Variants in IGSF11 observed in about 807,000 individuals in gnomAD.
The protein encoded by IGSF11 is immunoglobulin superfamily member 11, also known as CXADR like 1.
A neutral mutation model predicts 41.0 loss-of-function variants in IGSF11; 22 were observed. The ratio of observed to expected loss-of-function variants is 0.54; its 90% CI spans 0.38 to 0.77. IGSF11 has a LOEUF of 0.77. Among genes scored for constraint, IGSF11 ranks in the 30% least tolerant of loss-of-function variants. IGSF11 has a pLI of 0.00. For synonymous variants in IGSF11, 219 were observed against 201.3 expected, an observed-to-expected ratio of 1.09 and a Z score of -0.74; for missense variants, 444 against 530.8, an observed-to-expected ratio of 0.84 and a Z score of 1.61.
At chr3:119,134,317 C>G (rs1282031676) in intron 1 of IGSF11, among the ~76,000 whole-genome samples, 1 of 152,172 alleles carries the variant, frequency 6.6e-6, no homozygotes, top group African/African-American at 2.4e-5. Context: ...TAGAAAACCC[C>G]ATCGTCTCAG....
intron 4 of IGSF11, among the ~76,000 whole-genome samples, chr3:118,913,744 T>C (rs1240196910): frequency 1.3e-5 from 2 of 152,080 alleles, no homozygotes; most frequent in African/African-American, 2.4e-5. Flanking sequence ...AACTTGTGGG[T>C]AAATCTAAAT....
intron 1 of IGSF11, among the ~76,000 whole-genome samples, chr3:119,075,928 A>G (rs1321152489): frequency 6.6e-6 from 1 of 152,180 alleles, no homozygotes; most frequent in South Asian, 2.1e-4. Flanking sequence ...TTCATATGGA[A>G]CCTAAAAAGA....
At chr3:119,102,497 C>T (rs1199105104) in intron 1 of IGSF11, among the ~76,000 whole-genome samples, 3 of 152,174 alleles carry the variant, frequency 2.0e-5, no homozygotes, top group Non-Finnish European at 4.4e-5. Flanking sequence ...TTGAACATAA[C>T]ATAAATGTTA....
At chr3:118,977,607 G>C (rs1428192962) in intron 1 of IGSF11, among the ~76,000 whole-genome samples, 1 of 152,182 alleles carries the variant, frequency 6.6e-6, no homozygotes, top group Non-Finnish European at 1.5e-5. Flanking sequence ...AGGGAAATGA[G>C]GTAGCCTGCT....
chr3:118,998,828 T>C (rs984823380), intron 1 of IGSF11, among the ~76,000 whole-genome samples: 4 of 152,150 alleles, frequency 2.6e-5, no homozygotes, highest in Non-Finnish European at 5.9e-5. Flanking sequence ...ATCTATTTTA[T>C]GCGGTTAAAT....
At chr3:119,076,209 T>C (rs1037265448) in intron 1 of IGSF11, among the ~76,000 whole-genome samples, 2 of 152,234 alleles carry the variant, frequency 1.3e-5, no homozygotes, top group African/African-American at 2.4e-5. Flanking sequence ...GCTAGCCATA[T>C]GTAGAAAGCT....
At chr3:119,143,640 G>T (rs2077678227) in intron 1 of IGSF11, among the ~76,000 whole-genome samples, 1 of 152,090 alleles carries the variant, frequency 6.6e-6, no homozygotes, top group African/African-American at 2.4e-5. Context: ...AATGTAGATG[G>T]ATTAAACTTT....
At chr3:119,086,855 A>T (rs910957949) in intron 1 of IGSF11, among the ~76,000 whole-genome samples, 2 of 152,226 alleles carry the variant, frequency 1.3e-5, no homozygotes, top group Non-Finnish European at 2.9e-5. Context: ...TCAAGTCTAC[A>T]TAACAACCAG....
At chr3:119,040,954 A>G (rs1941096518) in intron 1 of IGSF11, among the ~76,000 whole-genome samples, 1 of 152,236 alleles carries the variant, frequency 6.6e-6, no homozygotes, top group Middle Eastern at 3.2e-3. Flanking sequence ...TATCTAGAAG[A>G]AAATAAAAAT....
At chr3:119,112,000 C>T (rs2107520785) in intron 1 of IGSF11, among the ~76,000 whole-genome samples, 1 of 152,280 alleles carries the variant, frequency 6.6e-6, no homozygotes, top group Middle Eastern at 3.4e-3. Flanking sequence ...AGTCTGCCCC[C>T]ACTGGGTGGT....
At chr3:119,054,386 A>G (rs1373458433) in intron 1 of IGSF11, among the ~76,000 whole-genome samples, 1 of 152,246 alleles carries the variant, frequency 6.6e-6, no homozygotes, top group African/African-American at 2.4e-5. Context: ...ATGAATAGGC[A>G]ATTATCAAAA....
intron 6 of IGSF11, 122 bp from the exon 7 acceptor site, chr3:118,903,083 T>G: frequency 1.1e-6 from 1 of 898,584 alleles, no homozygotes; most frequent in Non-Finnish European, 1.7e-6. Context: ...CAGGAGAGAC[T>G]ACTCTATCGT....
intron 1 of IGSF11, among the ~76,000 whole-genome samples, chr3:118,953,097 T>C (rs146289183): frequency 3.9e-4 from 59 of 152,266 alleles, no homozygotes; most frequent in Non-Finnish European, 7.6e-4. Context: ...ATTATTTTTA[T>C]ACCTTTGAAC....
At chr3:119,113,363 G>T (rs947357878) in intron 1 of IGSF11, among the ~76,000 whole-genome samples, 1 of 152,144 alleles carries the variant, frequency 6.6e-6, no homozygotes, top group African/African-American at 2.4e-5. Flanking sequence ...TTATTTACAA[G>T]ATACAATGAG....
chr3:118,920,852 A>T (rs939505746), intron 4 of IGSF11, among the ~76,000 whole-genome samples: 2 of 152,176 alleles, frequency 1.3e-5, no homozygotes, highest in East Asian at 3.9e-4. Flanking sequence ...TATGCAATGC[A>T]TGTACAAATA....
rs550855614 is a variant in IGSF11, at chr3:119,104,920, T to C, written c.49+224A>G. On this transcript the variant is annotated intron_variant, in intron 1 of 6. Transcript: ENST00000354673. ...CATTCTCAACGTTAAGAATTCTGTC[T>C]TATTTCTTATTGAATCCACAGTGCC... Among the ~76,000 whole-genome samples the C allele has an allele frequency of 7.9e-5, 12 of 152,286 alleles. No homozygotes were observed. In the East Asian group the frequency reaches 2.3e-3, roughly 29 times the overall value.
intron 1 of IGSF11, among the ~76,000 whole-genome samples, chr3:119,056,384 A>C (rs567710492): frequency 3.2e-4 from 49 of 152,328 alleles, no homozygotes; most frequent in African/African-American, 1.1e-3. Flanking sequence ...GAAATGGATA[A>C]ATTCCTCGAC....
intron 1 of IGSF11, among the ~76,000 whole-genome samples, chr3:118,965,035 A>G (rs933833024): frequency 3.3e-5 from 5 of 152,174 alleles, no homozygotes; most frequent in African/African-American, 1.2e-4. Context: ...AGAGTTGACA[A>G]GAATTCAAGG....
chr3:119,009,937 TA>T (rs1937903641), intron 1 of IGSF11, among the ~76,000 whole-genome samples: 1 of 152,176 alleles, frequency 6.6e-6, no homozygotes, highest in African/African-American at 2.4e-5. Flanking sequence ...ATTTAAAACA[TA>T]AAATCATGTT....
Sources: allele counts gnomAD v4.1 joint callset (sites outside exome capture counted in the v4.1 genomes callset), GRCh38; gene constraint gnomAD v4.1.1; transcripts MANE v1.5; gene names NCBI Gene and HGNC (gene_info 2026-07-23, HGNC 2026-07-21).